Variants in RBFOX3 observed in about 807,000 individuals in gnomAD.
RBFOX3 encodes RNA binding fox-1 homolog 3, also known as RNA binding protein fox-1 homolog 3.
A neutral mutation model predicts 48.7 loss-of-function variants in RBFOX3; 17 were observed. That is an observed-to-expected ratio of 0.35 (90% CI 0.24 to 0.52). RBFOX3 has a LOEUF of 0.52. Ranked by LOEUF, RBFOX3 falls within the 20% of genes least tolerant of loss-of-function variation. The probability of loss-of-function intolerance (pLI) is 0.94; values close to 1 mark genes in which losing one functional copy is unlikely to be tolerated. For synonymous variants in RBFOX3, 212 were observed against 209.5 expected, an observed-to-expected ratio of 1.01 and a Z score of -0.10; for missense variants, 382 against 497.5, an observed-to-expected ratio of 0.77 and a Z score of 2.21.
At chr17:79,340,341 A>C (rs1446364379) in intron 2 of RBFOX3, among the ~76,000 whole-genome samples, 1 of 151,336 alleles carries the variant, frequency 6.6e-6, no homozygotes, top group East Asian at 1.9e-4. Context: ...TCTGAGCATG[A>C]TAGAATCTAT....
At chr17:79,561,608 C>T (rs2092222854) in intron 1 of RBFOX3, among the ~76,000 whole-genome samples, 1 of 152,180 alleles carries the variant, frequency 6.6e-6, no homozygotes, top group Non-Finnish European at 1.5e-5. Context: ...TTGGTGACAG[C>T]AGTGAGTGCC....
At chr17:79,542,717 A>C (rs1221972580) in intron 1 of RBFOX3, among the ~76,000 whole-genome samples, 2 of 152,224 alleles carry the variant, frequency 1.3e-5, no homozygotes, top group Non-Finnish European at 1.5e-5. Flanking sequence ...CAGGCGGCGG[A>C]GGCTGCAGTG....
chr17:79,312,395 G>A (rs1301455912), intron 2 of RBFOX3, among the ~76,000 whole-genome samples: 1 of 152,190 alleles, frequency 6.6e-6, no homozygotes, highest in Non-Finnish European at 1.5e-5. Context: ...TGAGGAAGGG[G>A]CTGTGGTCTG....
Position 79,104,057 on chromosome 17 carries a change from T to C in RBFOX3, c.414+16A>G. The C allele has an allele frequency of 6.5e-7, 1 of 1,549,612 alleles. No individual in the cohort carries two copies. The highest frequency in any genetic ancestry group is 2.4e-5 in the East Asian group (1 of 40,902). On this transcript the variant is annotated intron_variant, in intron 7 of 14. Transcript: ENST00000693108. ...ACAGCCGGCGCTGTAAGGCGGCAGC[T>C]CCGTGCGGCACCCACCTTGGAGCCC...
chr17:79,330,411 T>C (rs2080070084), intron 2 of RBFOX3, among the ~76,000 whole-genome samples: 1 of 152,058 alleles, frequency 6.6e-6, no homozygotes, highest in African/African-American at 2.4e-5. Flanking sequence ...CTCACTGTCA[T>C]GGTCAAAATC....
intron 5 of RBFOX3, among the ~76,000 whole-genome samples, chr17:79,108,653 C>T (rs1042495421): frequency 3.9e-5 from 6 of 152,262 alleles, no homozygotes; most frequent in African/African-American, 1.4e-4. Context: ...GTCGCCGCCC[C>T]CAGCACGGCC....
In RBFOX3 at chr17:79,243,029, G is replaced by A. The variant is rs2062616379; in HGVS notation, c.-73-7224C>T. On this transcript the variant is annotated intron_variant, in intron 3 of 14. Coordinates refer to ENST00000693108, the MANE Select transcript of RBFOX3 (RefSeq NM_001350451.2). The surrounding 1 kb of genome is among the most constrained non-coding windows in gnomAD (Gnocchi z 7.9). ...GAATGTATGCCAGGCTACCTGCTGG[G>A]GACTGTGTTTTTCTGGGGTTATGCC... 1.4e-5 allele frequency among the ~76,000 whole-genome samples: 2 copies of A among 146,620 alleles called. No individual in the cohort carries two copies. The highest frequency in any genetic ancestry group is 3.1e-5 in the Non-Finnish European group (2 of 65,344).
intron 2 of RBFOX3, among the ~76,000 whole-genome samples, chr17:79,454,735 C>T (rs1294195884): frequency 1.3e-5 from 2 of 152,216 alleles, no homozygotes; most frequent in South Asian, 4.1e-4. Context: ...ATCTGACCCA[C>T]CTTAGGGCTC....
chr17:79,523,964 C>T (rs1202430813), intron 1 of RBFOX3, among the ~76,000 whole-genome samples: 1 of 152,122 alleles, frequency 6.6e-6, no homozygotes, highest in Non-Finnish European at 1.5e-5. Flanking sequence ...TTCACAGCCT[C>T]AAGTGGAGGT....
At chr17:79,597,526 C>T (rs1024918905) in intron 1 of RBFOX3, among the ~76,000 whole-genome samples, 1 of 152,278 alleles carries the variant, frequency 6.6e-6, no homozygotes, top group Admixed American at 6.5e-5. Context: ...CTTTGCCCTG[C>T]CTGACAGGAG....
chr17:79,190,435 A>AAAAC (rs1567813641), intron 4 of RBFOX3, among the ~76,000 whole-genome samples: 7 of 149,730 alleles, frequency 4.7e-5, no homozygotes, highest in Non-Finnish European at 9.0e-5. Flanking sequence ...AAAAAAACAA[A>AAAAC]AAAACAGAGT....
At chr17:79,297,563 G>A (rs1183754083) in intron 3 of RBFOX3, among the ~76,000 whole-genome samples, 3 of 152,270 alleles carry the variant, frequency 2.0e-5, no homozygotes, top group East Asian at 1.9e-4. Context: ...CAAAGCTGAT[G>A]TAGGACAGAC....
chr17:79,232,822 T>C (rs1306344732), intron 4 of RBFOX3, among the ~76,000 whole-genome samples: 1 of 152,210 alleles, frequency 6.6e-6, no homozygotes, highest in Non-Finnish European at 1.5e-5. Context: ...GAGCTACCGC[T>C]ACATACCTAG....
At chr17:79,663,974 A>AAG in the RBFOX3 span, among the ~76,000 whole-genome samples, 7 of 152,150 alleles carry the variant, frequency 4.6e-5, no homozygotes, top group Non-Finnish European at 1.0e-4. Context: ...GGAAGAGGGA[A>AAG]AGACGCTGAC....
At chr17:79,305,323 A>G (rs2075954713) in intron 3 of RBFOX3, among the ~76,000 whole-genome samples, 1 of 152,108 alleles carries the variant, frequency 6.6e-6, no homozygotes, top group African/African-American at 2.4e-5. Context: ...CTGCCTTTCA[A>G]TCATTATGTT....
chr17:79,145,174 T>C (rs1030925334), intron 4 of RBFOX3, among the ~76,000 whole-genome samples: 1 of 152,094 alleles, frequency 6.6e-6, no homozygotes, highest in Admixed American at 6.5e-5. Flanking sequence ...TGGGCACAGA[T>C]TCTGTCCCAT....
At chr17:79,379,531 A>C (rs577012365) in intron 2 of RBFOX3, among the ~76,000 whole-genome samples, 2 of 152,292 alleles carry the variant, frequency 1.3e-5, no homozygotes, top group East Asian at 3.9e-4. Context: ...TGTTTTGGTC[A>C]AACACCACTA....
intron 2 of RBFOX3, among the ~76,000 whole-genome samples, chr17:79,468,994 G>T (rs112485010): frequency 0.028 from 4,084 of 148,240 alleles, 193 homozygotes; most frequent in African/African-American, 0.097. Context: ...ATGGATAGCA[G>T]ATAGGCAGGC....
chr17:79,104,422 C>G (rs544100536), intron 6 of RBFOX3, among the ~76,000 whole-genome samples: 1 of 152,100 alleles, frequency 6.6e-6, no homozygotes, highest in African/African-American at 2.4e-5. Flanking sequence ...GCCCGTGTCT[C>G]CCTTCTGCCT....
Sources: gnomAD v4.1 joint callset for allele counts (sites outside exome capture counted in the v4.1 genomes callset) on GRCh38, gnomAD v4.1.1 for gene constraint, Gnocchi (gnomAD v3.1) non-coding constraint, MANE v1.5 for transcripts, NCBI Gene and HGNC (gene_info 2026-07-23, HGNC 2026-07-21) for gene names.